The following KIR3DL2 variants were observed in gnomAD, a reference collection of about 807,000 sequenced individuals.
KIR3DL2 encodes the protein killer cell immunoglobulin-like receptor 3DL2.
KIR3DL2 carries 42 observed loss-of-function variants against 41.6 expected under a neutral mutation model. The observed-to-expected ratio is 1.01, with a 90% confidence interval of 0.79 to 1.31. The LOEUF (loss-of-function observed/expected upper bound fraction) is 1.31. Ranked by LOEUF, KIR3DL2 falls within the 50% of genes most tolerant of loss-of-function variation. The pLI is 0.00. For missense variants in KIR3DL2, 728 were observed against 576.8 expected (o/e 1.26, Z -2.68); for synonymous variants, 230 against 221.3 (o/e 1.04, Z -0.35).
intron 8 of KIR3DL2, 39 bp from the exon 9 acceptor site, chr19:54,866,483 G>A: frequency 6.2e-7 from 1 of 1,614,042 alleles, no homozygotes; most frequent in Non-Finnish European, 8.5e-7. Flanking sequence ...CCTGAAAAAT[G>A]TGAGCACCCT....
chr19:54,853,594 C>A (rs2064477311), intron 3 of KIR3DL2, among the ~76,000 whole-genome samples, 153 bp from the exon 4 acceptor site: 1 of 151,582 alleles, frequency 6.6e-6, no homozygotes, highest in Non-Finnish European at 1.5e-5. Context: ...ATGGAGGGAC[C>A]TGCACCAGGG....
At chr19:54,852,831 T>C (rs1203691464) in intron 3 of KIR3DL2, among the ~76,000 whole-genome samples, 1 of 150,976 alleles carries the variant, frequency 6.6e-6, no homozygotes, top group African/African-American at 2.5e-5. Flanking sequence ...CTGGATCCAA[T>C]TTCTGTCCCC....
At chr19:54,856,235 C>A (rs1233391925) in intron 5 of KIR3DL2, among the ~76,000 whole-genome samples, 1 of 151,576 alleles carries the variant, frequency 6.6e-6, no homozygotes, top group Non-Finnish European at 1.5e-5. Flanking sequence ...TTCCCAGAAG[C>A]CCATCCTGGC....
intron 7 of KIR3DL2, 114 bp downstream of exon 7, chr19:54,866,023 C>A (rs940943305): frequency 4.1e-6 from 4 of 967,666 alleles, no homozygotes; most frequent in Non-Finnish European, 6.3e-6. Context: ...AAGGGAGGAG[C>A]CACAGAGGCA....
rs111855623 is a variant in KIR3DL2 at position 54,866,912 on chromosome 19, C to T, written c.*181C>T. 1 of 707,506 alleles carries T rather than the reference C, an allele frequency of 1.4e-6. No individual in the cohort carries two copies. Among genetic ancestry groups the T allele is most frequent in the Admixed American group, 2.9e-5 (1 of 34,806 alleles). The allele number at this position is 707,506 out of a possible 1,614,324, so 43.8% of individuals were successfully genotyped here. On this transcript the variant is annotated 3_prime_UTR_variant, in exon 9 of 9. Transcript: ENST00000326321. ...CTGCCTGCTGCAGAGAAAACACACT[C>T]CTTTGCTTAGCCCACAAGTATCTAT...
At chr19:54,857,434 A>G (rs1390893283) in intron 5 of KIR3DL2, among the ~76,000 whole-genome samples, 1 of 151,344 alleles carries the variant, frequency 6.6e-6, no homozygotes, top group Non-Finnish European at 1.5e-5. Context: ...TCTCCATAAT[A>G]GTTGTACTAA....
intron 5 of KIR3DL2, 112 bp downstream of exon 5, chr19:54,856,024 TG>T: frequency 7.5e-7 from 1 of 1,338,592 alleles, no homozygotes; most frequent in Non-Finnish European, 1.0e-6. Context: ...ACACGAAGAC[TG>T]GGTGTGAGGG....
intron 6 of KIR3DL2, 142 bp from the exon 7 acceptor site, chr19:54,865,663 A>G (rs1601835494): frequency 9.9e-6 from 7 of 710,258 alleles, no homozygotes; most frequent in Non-Finnish European, 1.7e-5. Flanking sequence ...CTGAGAAAGC[A>G]GGAGAAAGCT....
intron 6 of KIR3DL2, among the ~76,000 whole-genome samples, chr19:54,859,666 C>G (rs538935487): frequency 6.6e-6 from 1 of 151,910 alleles, no homozygotes; most frequent in Non-Finnish European, 1.5e-5. Context: ...GAAGCTTTTC[C>G]TATTGTTGCC....
chr19:54,861,064 T>C (rs587665), intron 6 of KIR3DL2, among the ~76,000 whole-genome samples: 28,371 of 116,148 alleles, frequency 0.24, 1,441 homozygotes, highest in Admixed American at 0.26. Context: ...TAAGGGAGGC[T>C]CAGTTGCATA....
chr19:54,853,686 A>G, intron 3 of KIR3DL2, 61 bp from the exon 4 acceptor site: 1 of 1,564,130 alleles, frequency 6.4e-7, no homozygotes, highest in Non-Finnish European at 8.7e-7. Flanking sequence ...CACTCATTCC[A>G]GGTGCCATGG....
chr19:54,864,498 G>A (rs987097113), intron 6 of KIR3DL2, among the ~76,000 whole-genome samples: 17 of 152,078 alleles, frequency 1.1e-4, no homozygotes, highest in African/African-American at 3.9e-4. Flanking sequence ...AGCATGGAAT[G>A]TTCTTCCATT....
intron 6 of KIR3DL2, among the ~76,000 whole-genome samples, chr19:54,861,636 G>C (rs1040746892): frequency 2.5e-4 from 38 of 151,016 alleles, no homozygotes; most frequent in Middle Eastern, 3.2e-3. Context: ...GCTACACAGG[G>C]ATACTCTGTC....
rs984877937 is a variant in KIR3DL2, at chr19:54,866,180, T to C, written c.1106-190T>C. ...GGCAGAAAGTGGGAGACAGAATCAA[T>C]GGGATGCCAATTGAGAGCACTTCAT... On this transcript the variant is annotated intron_variant, in intron 7 of 8. Coordinates refer to ENST00000326321, the MANE Select transcript of KIR3DL2 (RefSeq NM_006737.4). Among the ~76,000 whole-genome samples, 12 of 152,062 alleles carry C rather than the reference T, an allele frequency of 7.9e-5. 1 individual carries two copies. The East Asian group carries it at 1.5e-3, about 20-fold the overall frequency.
At chr19:54,863,342 A>G (rs2065308540) in intron 6 of KIR3DL2, among the ~76,000 whole-genome samples, 1 of 152,100 alleles carries the variant, frequency 6.6e-6, no homozygotes, top group African/African-American at 2.4e-5. Context: ...TTATAGCAGC[A>G]TGATTTATAG....
chr19:54,856,039 G>C (rs1322276590), intron 5 of KIR3DL2, 127 bp downstream of exon 5: 4 of 1,229,964 alleles, frequency 3.3e-6, no homozygotes, highest in Non-Finnish European at 4.6e-6. Context: ...GTGAGGGGGG[G>C]GTCAGGGTGC....
chr19:54,856,069 C>T (rs1947266526), intron 5 of KIR3DL2, among the ~76,000 whole-genome samples, 157 bp downstream of exon 5: 2 of 150,174 alleles, frequency 1.3e-5, no homozygotes, highest in African/African-American at 5.0e-5. Context: ...GACAGGGCAC[C>T]TCCAAACCCT....
Position 54,855,730 on chromosome 19 carries a change from C to A in KIR3DL2, c.767C>A (p.Ser256Tyr). The change falls in exon 5 of 9, where the codon TCC (serine) becomes TAC (tyrosine). Residue 256 changes from serine to tyrosine, a missense_variant. Transcript: ENST00000326321. ...SWSSYDIYHLSREGEAHERRL... is the reference protein window; with the variant it reads ...SWSSYDIYHLYREGEAHERRL... ...AGCTCCTATGACATCTACCATCTGT[C>A]CAGGGAAGGGGAGGCCCATGAACGT... 4.3e-6 allele frequency: 7 copies of A among 1,613,548 alleles called. No individual in the cohort carries two copies. Among genetic ancestry groups the A allele is most frequent in the South Asian group, 3.3e-5 (3 of 91,090 alleles).
Position 54,866,859 on chromosome 19 carries a change from T to A in KIR3DL2, c.*128T>A. The stretch of plus-strand genomic sequence containing the variant: ...CACCACGAATCTGAACATGCCTCTC[T>A]CTTGCTTACAAATGCCTAAGGTCGC... On this transcript the variant is annotated 3_prime_UTR_variant, in exon 9 of 9. Coordinates refer to ENST00000326321, the MANE Select transcript of KIR3DL2 (RefSeq NM_006737.4). 2 of 1,079,454 alleles carry A rather than the reference T, an allele frequency of 1.9e-6. No individual in the cohort carries two copies. Among genetic ancestry groups the A allele is most frequent in the Non-Finnish European group, 2.7e-6 (2 of 732,346 alleles). 66.9% of individuals were successfully genotyped at this position (1,079,454 alleles called of 1,614,324 possible). A position where few individuals can be genotyped will look rare whatever the true frequency, so the allele number is the denominator to read the frequency against.
Sources: gnomAD v4.1 joint callset for allele counts (sites outside exome capture counted in the v4.1 genomes callset) on GRCh38, gnomAD v4.1.1 for gene constraint, MANE v1.5 for transcripts, NCBI Gene and HGNC (gene_info 2026-07-23, HGNC 2026-07-21) for gene names.